The following ARHGAP32 variants were observed in gnomAD, a reference collection of about 807,000 sequenced individuals.
ARHGAP32 encodes Rho GTPase activating protein 32.
A neutral mutation model predicts 186.5 loss-of-function variants in ARHGAP32; 51 were observed. The observed-to-expected ratio is 0.27, with a 90% confidence interval of 0.22 to 0.35. The LOEUF (loss-of-function observed/expected upper bound fraction) is 0.35. Ranked by LOEUF, ARHGAP32 falls within the 10% of genes least tolerant of loss-of-function variation. ARHGAP32 has a pLI of 1.00. For missense variants in ARHGAP32, 2,186 were observed against 2,623.5 expected (o/e 0.83, Z 3.64); for synonymous variants, 950 against 964.3 (o/e 0.99, Z 0.27).
chr11:129,250,478 G>C (rs984274470), intron 1 of ARHGAP32, among the ~76,000 whole-genome samples: 1 of 152,090 alleles, frequency 6.6e-6, no homozygotes, highest in Non-Finnish European at 1.5e-5. Flanking sequence ...GATGAATAAG[G>C]ACAGCAATTT....
At chr11:129,252,110 G>C (rs937444177) in intron 1 of ARHGAP32, among the ~76,000 whole-genome samples, 3 of 151,954 alleles carry the variant, frequency 2.0e-5, no homozygotes, top group African/African-American at 7.3e-5. Context: ...TATAGTTTTA[G>C]ACCAATTCTA....
At chr11:129,011,544 G>A (rs1938081965) in intron 11 of ARHGAP32, among the ~76,000 whole-genome samples, 1 of 152,184 alleles carries the variant, frequency 6.6e-6, no homozygotes, top group Non-Finnish European at 1.5e-5. Context: ...CCACGGGACA[G>A]TGGTATGAAA....
chr11:128,966,552 A>G lies in ARHGAP32; in HGVS notation c.*2355T>C, dbSNP rs1421600638. 1 of 152,242 alleles carries G rather than the reference A, an allele frequency of 6.6e-6. No homozygotes were observed. Among genetic ancestry groups the G allele is most frequent in the East Asian group, 1.9e-4 (1 of 5,202 alleles). The allele number at this position is 152,242 out of a possible 1,614,324, so 9.4% of individuals were successfully genotyped here. On this transcript the variant is annotated 3_prime_UTR_variant, in exon 23 of 23. Coordinates refer to ENST00000682385, the MANE Select transcript of ARHGAP32 (RefSeq NM_001378024.1). ...ATTGCAATCATCATTCTGTATTCAA[A>G]TATTTACCTGATATTTCTAAACCCA...
At chr11:129,006,995 T>C (rs1008756621) in intron 11 of ARHGAP32, among the ~76,000 whole-genome samples, 3 of 151,318 alleles carry the variant, frequency 2.0e-5, no homozygotes, top group East Asian at 2.0e-4. Flanking sequence ...AGGAGCCCCA[T>C]CCCATGGCCA....
chr11:129,191,936 C>T, intron 1 of ARHGAP32, 147 bp downstream of exon 1: 1 of 639,082 alleles, frequency 1.6e-6, no homozygotes, highest in Non-Finnish European at 2.7e-6. Flanking sequence ...CTATATACAA[C>T]TCAAAACCTG....
chr11:129,030,668 C>A (rs1420457291), intron 11 of ARHGAP32: 1 of 152,150 alleles, frequency 6.6e-6, no homozygotes, highest in Non-Finnish European at 1.5e-5. Flanking sequence ...ATTCTTAGAC[C>A]ATTCAAAGAA....
chr11:129,128,794 G>A (rs1282111700), intron 2 of ARHGAP32, among the ~76,000 whole-genome samples: 2 of 152,262 alleles, frequency 1.3e-5, no homozygotes, highest in East Asian at 1.9e-4. Context: ...CGTGTTGGCC[G>A]GGCTGGTCTC....
intron 1 of ARHGAP32, among the ~76,000 whole-genome samples, chr11:129,172,611 A>C (rs980367399): frequency 6.6e-6 from 1 of 152,246 alleles, no homozygotes; most frequent in Non-Finnish European, 1.5e-5. Flanking sequence ...ACCACAGTGC[A>C]ATCACATTAG....
chr11:129,207,887 G>A (rs868290592), intron 1 of ARHGAP32, among the ~76,000 whole-genome samples: 1 of 152,104 alleles, frequency 6.6e-6, no homozygotes, highest in South Asian at 2.1e-4. Context: ...GCTATCCAAG[G>A]CATGGCACAT....
Position 129,124,836 on chromosome 11 carries a change from C to G in ARHGAP32, c.284G>C (p.Ser95Thr). 6.2e-7 allele frequency: 1 copy of G among 1,611,026 alleles called. No individual in the cohort carries two copies. The highest frequency in any genetic ancestry group is 8.5e-7 in the Non-Finnish European group (1 of 1,178,550). Reference protein sequence around the residue: ...PGDLTLKTCGSTASMKVKHVK... With the variant: ...PGDLTLKTCGTTASMKVKHVK... ...ATGCTTAACCTTCATACTGGCTGTA[C>G]TGCCACACGTCTTAAGAGTAAGATC... Residue 95 changes from serine (S) to threonine (T), a missense_variant, in exon 3 of 23, where the codon AGT (serine) becomes ACT (threonine). Transcript: ENST00000682385.
chr11:128,985,596 T>A (rs1408474803), intron 15 of ARHGAP32, among the ~76,000 whole-genome samples: 1 of 151,248 alleles, frequency 6.6e-6, no homozygotes, highest in East Asian at 1.9e-4. Context: ...TCAAATTAGG[T>A]TTTAAAATGT....
chr11:129,177,875 C>T (rs1943956417), intron 1 of ARHGAP32, among the ~76,000 whole-genome samples: 1 of 152,176 alleles, frequency 6.6e-6, no homozygotes, highest in Admixed American at 6.5e-5. Context: ...CGAAAACTGG[C>T]ACAAGACAGG....
In ARHGAP32 at chr11:128,966,066, G is replaced by A. The variant is rs1945215682; in HGVS notation, c.*2841C>T. 6.6e-6 allele frequency: 1 copy of A among 152,182 alleles called. No homozygotes were observed. Among genetic ancestry groups the A allele is most frequent in the South Asian group, 2.1e-4 (1 of 4,834 alleles). The allele number at this position is 152,182 out of a possible 1,614,324, so 9.4% of individuals were successfully genotyped here. ...AGGCTCCAATGAAATTTATTAATAA[G>A]AAAATGGCACCTCTGGGATTGTTAG... On this transcript the variant is annotated 3_prime_UTR_variant, in exon 23 of 23. Transcript: ENST00000682385.
intron 6 of ARHGAP32, among the ~76,000 whole-genome samples, chr11:129,088,398 G>A (rs1405045679): frequency 1.3e-5 from 2 of 152,026 alleles, no homozygotes; most frequent in African/African-American, 2.4e-5. Flanking sequence ...TGGCCAACAT[G>A]GTGAAACCCC....
chr11:128,991,566 A>G (rs1466408114), intron 12 of ARHGAP32, among the ~76,000 whole-genome samples: 1 of 152,214 alleles, frequency 6.6e-6, no homozygotes, highest in African/African-American at 2.4e-5. Context: ...AAGGCTATTT[A>G]CTAGCTACCC....
intron 1 of ARHGAP32, among the ~76,000 whole-genome samples, chr11:129,244,745 T>C (rs1309874357): frequency 6.6e-6 from 1 of 151,410 alleles, no homozygotes; most frequent in African/African-American, 2.4e-5. Flanking sequence ...TCAAACAAAT[T>C]TACAAGAAAA....
intron 6 of ARHGAP32, among the ~76,000 whole-genome samples, chr11:129,093,146 T>C (rs1941628669): frequency 6.6e-6 from 1 of 152,098 alleles, no homozygotes; most frequent in Non-Finnish European, 1.5e-5. Flanking sequence ...AAAGTGTGCA[T>C]CTGAAGCAGA....
intron 1 of ARHGAP32, among the ~76,000 whole-genome samples, chr11:129,249,079 T>C (rs1945143593): frequency 6.6e-6 from 1 of 152,114 alleles, no homozygotes; most frequent in Non-Finnish European, 1.5e-5. Flanking sequence ...CAGGTTTCCA[T>C]AAGACAGAGG....
At chr11:128,972,311 T>C (rs1591484903) in intron 22 of ARHGAP32, 142 bp downstream of exon 22, 1 of 925,136 alleles carries the variant, frequency 1.1e-6, no homozygotes, top group Non-Finnish European at 1.5e-6. Flanking sequence ...CAACCTCAAA[T>C]GGGAACTATC....
Sources: gnomAD v4.1 joint callset for allele counts (sites outside exome capture counted in the v4.1 genomes callset) on GRCh38, gnomAD v4.1.1 for gene constraint, MANE v1.5 for transcripts, NCBI Gene and HGNC (gene_info 2026-07-23, HGNC 2026-07-21) for gene names.